Variants in INSL6 observed in about 807,000 individuals in gnomAD.
INSL6 encodes insulin like 6.
Under a neutral mutation model 9.4 loss-of-function variants are expected in INSL6, and 16 were observed. The ratio of observed to expected loss-of-function variants is 1.70; its 90% CI spans 1.15 to 2.59. The LOEUF (loss-of-function observed/expected upper bound fraction) is 2.59. Ranked by LOEUF, INSL6 falls within the 30% of genes most tolerant of loss-of-function variation. The probability of loss-of-function intolerance (pLI) is 0.00; values close to 1 mark genes in which losing one functional copy is unlikely to be tolerated. For missense variants in INSL6, 391 were observed against 257.3 expected (o/e 1.52, Z -3.56); for synonymous variants, 154 against 96.9 (o/e 1.59, Z -3.46).
the INSL6 span, among the ~76,000 whole-genome samples, chr9:5,035,756 A>G: frequency 1.3e-5 from 2 of 152,194 alleles, no homozygotes; most frequent in Non-Finnish European, 2.9e-5. Context: ...TATCTATGAC[A>G]TACCGACAGC....
chr9:5,002,236 T>C, the INSL6 span, among the ~76,000 whole-genome samples: 1 of 151,946 alleles, frequency 6.6e-6, no homozygotes, highest in East Asian at 1.9e-4. Context: ...GAAGCTTACA[T>C]AATTAATTTC....
At chr9:5,111,972 G>T in the INSL6 span, 4 of 352,272 alleles carry the variant, frequency 1.1e-5, no homozygotes, top group Non-Finnish European at 2.3e-5. Context: ...CTCCACCGCC[G>T]TGGGCTCCCC....
chr9:5,107,951 T>C, the INSL6 span: 6 of 152,272 alleles, frequency 3.9e-5, no homozygotes, highest in East Asian at 1.2e-3. Context: ...CCGACAATTA[T>C]GCTGTTACCA....
At chr9:5,093,788 G>A in the INSL6 span, among the ~76,000 whole-genome samples, 1 of 152,150 alleles carries the variant, frequency 6.6e-6, no homozygotes, top group Admixed American at 6.5e-5. Flanking sequence ...CGACCTCGAT[G>A]TTGGATCAGG....
At chr9:5,104,848 A>G in the INSL6 span, among the ~76,000 whole-genome samples, 1 of 152,250 alleles carries the variant, frequency 6.6e-6, no homozygotes, top group Non-Finnish European at 1.5e-5. Context: ...GTCTTTGACA[A>G]AATTCTACAG....
intron 1 of INSL6, among the ~76,000 whole-genome samples, chr9:5,174,426 C>A (rs1825252853): frequency 6.6e-6 from 1 of 152,220 alleles, no homozygotes. Context: ...CCATTCACAT[C>A]TTAATTGATT....
chr9:5,069,176 A>C, the INSL6 span: 1 of 1,610,122 alleles, frequency 6.2e-7, no homozygotes, highest in Non-Finnish European at 8.5e-7. Context: ...ATAATTTTCC[A>C]GTTTACTAAA....
the INSL6 span, among the ~76,000 whole-genome samples, chr9:5,000,619 A>G: frequency 6.6e-5 from 10 of 152,112 alleles, no homozygotes; most frequent in Non-Finnish European, 1.3e-4. Context: ...TTTTGAGCTT[A>G]TGTTTCATCA....
At chr9:5,088,214 G>T in the INSL6 span, among the ~76,000 whole-genome samples, 1 of 151,996 alleles carries the variant, frequency 6.6e-6, no homozygotes, top group Non-Finnish European at 1.5e-5. Flanking sequence ...AATCTGACTT[G>T]AGAGTCCTGG....
At chr9:5,125,523 G>C (rs914274633) in intron 3 of INSL6, among the ~76,000 whole-genome samples, 3 of 151,078 alleles carry the variant, frequency 2.0e-5, no homozygotes, top group African/African-American at 7.3e-5. Flanking sequence ...AATTATCTTA[G>C]AATAAAAGTA....
the INSL6 span, among the ~76,000 whole-genome samples, chr9:5,117,849 G>T: frequency 6.6e-6 from 1 of 152,172 alleles, no homozygotes; most frequent in African/African-American, 2.4e-5. Context: ...ATTAATGAGA[G>T]GCTAATAGTA....
At chr9:5,085,354 T>C in the INSL6 span, 1 of 895,928 alleles carries the variant, frequency 1.1e-6, no homozygotes, top group South Asian at 1.3e-5. Flanking sequence ...ATTTTTTCCG[T>C]ACTGATAGGT....
chr9:5,134,066 G>C (rs182725354), intron 2 of INSL6, among the ~76,000 whole-genome samples: 1 of 152,082 alleles, frequency 6.6e-6, no homozygotes, highest in African/African-American at 2.4e-5. Flanking sequence ...ATCAACAGCT[G>C]AATCGGTCAG....
the INSL6 span, among the ~76,000 whole-genome samples, chr9:5,102,126 G>C: frequency 1.3e-5 from 2 of 152,040 alleles, no homozygotes; most frequent in African/African-American, 4.8e-5. Flanking sequence ...CCATCGCAAG[G>C]AAGCTAAAAA....
intron 2 of INSL6, among the ~76,000 whole-genome samples, chr9:5,154,802 A>G (rs1379928743): frequency 3.9e-5 from 6 of 152,202 alleles, no homozygotes; most frequent in Non-Finnish European, 7.3e-5. Context: ...TTAGAATGGC[A>G]ATCATTCAAA....
At chr9:5,079,052 T>C in the INSL6 span, among the ~76,000 whole-genome samples, 1 of 152,236 alleles carries the variant, frequency 6.6e-6, no homozygotes, top group East Asian at 1.9e-4. Flanking sequence ...TCTAAATTGA[T>C]CAATTTTTGT....
At chr9:5,145,288 T>C (rs573628261) in intron 2 of INSL6, among the ~76,000 whole-genome samples, 5 of 152,300 alleles carry the variant, frequency 3.3e-5, no homozygotes, top group African/African-American at 7.2e-5. Flanking sequence ...ACTGACCCCC[T>C]ATCTCTTCTG....
At chr9:5,044,221 C>T in the INSL6 span, among the ~76,000 whole-genome samples, 1 of 152,170 alleles carries the variant, frequency 6.6e-6, no homozygotes, top group East Asian at 1.9e-4. Flanking sequence ...ATTTCTTGTA[C>T]TTTCTGCCTA....
At chr9:5,153,114 G>A (rs1268023519) in intron 2 of INSL6, among the ~76,000 whole-genome samples, 1 of 151,498 alleles carries the variant, frequency 6.6e-6, no homozygotes, top group African/African-American at 2.4e-5. Flanking sequence ...CTGGCCAGCT[G>A]TTTGGGCAGA....
Sources: gnomAD v4.1 joint callset for allele counts (sites outside exome capture counted in the v4.1 genomes callset) on GRCh38, gnomAD v4.1.1 for gene constraint, MANE v1.5 for transcripts, NCBI Gene and HGNC (gene_info 2026-07-23, HGNC 2026-07-21) for gene names.